Variants in MGAT4A observed in about 807,000 individuals in gnomAD.
The protein encoded by MGAT4A is N-acetylglucosaminyltransferase IVa.
MGAT4A carries 33 observed loss-of-function variants against 74.1 expected under a neutral mutation model. The observed-to-expected ratio is 0.45, with a 90% CI of 0.34 to 0.60. MGAT4A has a LOEUF of 0.60. Ranked by LOEUF, MGAT4A falls within the 20% of genes least tolerant of loss-of-function variation. MGAT4A has a pLI of 0.02. For missense variants in MGAT4A, 479 were observed against 628.3 expected (o/e 0.76, Z 2.54); for synonymous variants, 198 against 210.4 (o/e 0.94, Z 0.51).
At chr2:98,699,834 A>G (rs909104864) in intron 2 of MGAT4A, among the ~76,000 whole-genome samples, 7 of 152,304 alleles carry the variant, frequency 4.6e-5, no homozygotes, top group African/African-American at 1.7e-4. Flanking sequence ...ATAGGAAGCC[A>G]TGTTTGCCAT....
chr2:98,623,410 G>A lies in MGAT4A; in HGVS notation c.*2156C>T, dbSNP rs1701091064. ...CAGAGTTGGCAACTGAGGAACCAGG[G>A]ACCCAAGAGTACTCCTAAGCCCACC... is the stretch of plus-strand genomic sequence containing the variant. On this transcript the variant is annotated 3_prime_UTR_variant, in exon 16 of 16. Coordinates refer to ENST00000393487, the MANE Select transcript of MGAT4A (RefSeq NM_012214.3). 1 of 985,406 alleles carries A rather than the reference G, an allele frequency of 1.0e-6. No homozygotes were observed. Among genetic ancestry groups the A allele is most frequent in the Non-Finnish European group, 1.2e-6 (1 of 829,928 alleles). 61.0% of individuals were successfully genotyped at this position (985,406 alleles called of 1,614,324 possible).
At chr2:98,705,776 T>C (rs975992147) in intron 2 of MGAT4A, among the ~76,000 whole-genome samples, 2 of 151,712 alleles carry the variant, frequency 1.3e-5, no homozygotes, top group Non-Finnish European at 2.9e-5. Context: ...ACCCCGTCTC[T>C]ACTAAAAATA....
chr2:98,671,981 C>T lies in MGAT4A; in HGVS notation c.403+3054G>A, dbSNP rs549668751. On this transcript the variant is annotated intron_variant, in intron 4 of 15. Transcript: ENST00000393487. ...AAAAAAAAAAAAAAAGGATCCTCCCCTAGAGATTCCAGAAGGAACACACCC... is the reference window on the plus strand; with the variant it reads ...AAAAAAAAAAAAAAAGGATCCTCCCTTAGAGATTCCAGAAGGAACACACCC... 4.4e-3 allele frequency among the ~76,000 whole-genome samples: 654 copies of T among 149,118 alleles called. 7 individuals are homozygous for T. The highest frequency in any genetic ancestry group is 0.016 in the African/African-American group (632 of 40,596).
intron 2 of MGAT4A, among the ~76,000 whole-genome samples, chr2:98,696,038 T>G (rs1000980532): frequency 2.6e-5 from 4 of 151,914 alleles, no homozygotes; most frequent in African/African-American, 9.7e-5. Context: ...TGCACCACCA[T>G]GCCTGCCTAA....
At chr2:98,652,579 C>A (rs1274630844) in intron 8 of MGAT4A, among the ~76,000 whole-genome samples, 1 of 152,164 alleles carries the variant, frequency 6.6e-6, no homozygotes, top group Non-Finnish European at 1.5e-5. Context: ...GATCTGCCCA[C>A]CTCAGCCTCC....
intron 2 of MGAT4A, among the ~76,000 whole-genome samples, chr2:98,707,228 A>T (rs1702452325): frequency 6.6e-6 from 1 of 152,154 alleles, no homozygotes; most frequent in Non-Finnish European, 1.5e-5. Flanking sequence ...TTTTTAAAAA[A>T]TGAAAAATCT....
At chr2:98,730,538 G>C (rs749221381) in intron 1 of MGAT4A, among the ~76,000 whole-genome samples, 15 of 152,102 alleles carry the variant, frequency 9.9e-5, no homozygotes, top group African/African-American at 2.4e-4. Context: ...CGGACCGTCC[G>C]GCCCCGCCCA....
At chr2:98,658,169 G>C in intron 6 of MGAT4A, 49 bp downstream of exon 6, 1 of 1,227,856 alleles carries the variant, frequency 8.1e-7, no homozygotes, top group South Asian at 1.3e-5. Context: ...AAACCCAAGA[G>C]ATAATAGTAA....
At chr2:98,659,383 C>T (rs1701710699) in intron 5 of MGAT4A, among the ~76,000 whole-genome samples, 1 of 152,118 alleles carries the variant, frequency 6.6e-6, no homozygotes, top group Admixed American at 6.5e-5. Flanking sequence ...ACTCCAGATC[C>T]TTGCCCCTTC....
intron 14 of MGAT4A, among the ~76,000 whole-genome samples, chr2:98,627,520 C>A (rs1444860908): frequency 1.3e-5 from 2 of 152,122 alleles, no homozygotes; most frequent in African/African-American, 4.8e-5. Flanking sequence ...GGATTACAGG[C>A]ATGTGCCACC....
At chr2:98,706,132 AC>A (rs1169325489) in intron 2 of MGAT4A, among the ~76,000 whole-genome samples, 1 of 152,142 alleles carries the variant, frequency 6.6e-6, no homozygotes, top group Admixed American at 6.5e-5. Flanking sequence ...GTATGTAGGG[AC>A]AAAAAAGCTA....
At chr2:98,682,692 C>A (rs1261217782) in intron 2 of MGAT4A, among the ~76,000 whole-genome samples, 1 of 144,990 alleles carries the variant, frequency 6.9e-6, no homozygotes, top group African/African-American at 2.4e-5. Context: ...GTGAAGTGAA[C>A]CCCAGAGGAC....
intron 8 of MGAT4A, among the ~76,000 whole-genome samples, chr2:98,648,837 C>G (rs1701535106): frequency 6.6e-6 from 1 of 152,068 alleles, no homozygotes; most frequent in Admixed American, 6.5e-5. Context: ...TCAAGACCAG[C>G]CTGGGCAACT....
At chr2:98,686,318 C>T (rs1344416728) in intron 2 of MGAT4A, among the ~76,000 whole-genome samples, 3 of 152,124 alleles carry the variant, frequency 2.0e-5, no homozygotes, top group Non-Finnish European at 4.4e-5. Context: ...ACTTACAAAA[C>T]AGTGACTAGT....
Position 98,653,578 on chromosome 2 carries a change from G to T in MGAT4A, c.774+1867C>A, listed in dbSNP as rs143653881. 3.4e-3 allele frequency among the ~76,000 whole-genome samples: 518 copies of T among 152,184 alleles called. 2 individuals are homozygous for T. Among genetic ancestry groups the T allele is most frequent in the African/African-American group, 0.012 (493 of 41,546 alleles). On this transcript the variant is annotated intron_variant, in intron 8 of 15. Transcript: ENST00000393487. The stretch of plus-strand genomic sequence containing the variant: ...TGCCAACAAATTGGATAATCTACAA[G>T]AAATGGATAAACCTCTAAAAACAAT...
At chr2:98,700,224 G>A (rs941766943) in intron 2 of MGAT4A, among the ~76,000 whole-genome samples, 6 of 151,714 alleles carry the variant, frequency 4.0e-5, no homozygotes, top group Non-Finnish European at 8.8e-5. Flanking sequence ...TGCCAGCCTC[G>A]GGCTATAGTC....
At chr2:98,699,573 C>G (rs1318452243) in intron 2 of MGAT4A, among the ~76,000 whole-genome samples, 1 of 151,934 alleles carries the variant, frequency 6.6e-6, no homozygotes, top group African/African-American at 2.4e-5. Flanking sequence ...GAGGCAAATC[C>G]TCTTAAACTA....
chr2:98,656,109 A>G (rs1187940861), intron 7 of MGAT4A: 5 of 421,564 alleles, frequency 1.2e-5, no homozygotes, highest in South Asian at 5.4e-5. Context: ...ACAGAAACAC[A>G]TAAGAGAAGT....
At chr2:98,694,936 C>T (rs576802649) in intron 2 of MGAT4A, 39 of 154,058 alleles carry the variant, frequency 2.5e-4, no homozygotes, top group Middle Eastern at 1.2e-3. Flanking sequence ...TGCAACCCCC[C>T]CCTTCCGATC....
Sources: gnomAD v4.1 joint callset for allele counts (sites outside exome capture counted in the v4.1 genomes callset) on GRCh38, gnomAD v4.1.1 for gene constraint, MANE v1.5 for transcripts, NCBI Gene and HGNC (gene_info 2026-07-23, HGNC 2026-07-21) for gene names.